The following CSMD3 variants were observed in gnomAD, a reference collection of about 807,000 sequenced individuals.
The protein encoded by CSMD3 is CUB and sushi domain-containing protein 3.
Under a neutral mutation model 435.2 loss-of-function variants are expected in CSMD3, and 177 were observed. The ratio of observed to expected loss-of-function variants is 0.41; its 90% CI spans 0.36 to 0.46. The LOEUF is 0.46. Ranked by LOEUF, CSMD3 falls within the 20% of genes least tolerant of loss-of-function variation. CSMD3 has a pLI of 0.34. For synonymous variants in CSMD3, 1,656 were observed against 1,520.5 expected (o/e 1.09, Z -2.07); for missense variants, 4,265 against 4,504.6 (o/e 0.95, Z 1.52).
chr8:112,862,860 A>C (rs2080863923), intron 10 of CSMD3, among the ~76,000 whole-genome samples: 1 of 152,094 alleles, frequency 6.6e-6, no homozygotes, highest in Non-Finnish European at 1.5e-5. Flanking sequence ...CCCAAAAATA[A>C]TATTAAAAAG....
chr8:112,233,575 G>T (rs945132000), intron 68 of CSMD3, among the ~76,000 whole-genome samples: 18 of 152,032 alleles, frequency 1.2e-4, no homozygotes, highest in African/African-American at 3.1e-4. Context: ...TAGATGGTAG[G>T]CTTCTTGAAC....
chr8:112,387,574 C>T (rs1180643325), intron 36 of CSMD3, among the ~76,000 whole-genome samples: 3 of 150,528 alleles, frequency 2.0e-5, no homozygotes, highest in Non-Finnish European at 4.4e-5. Flanking sequence ...AGAAAAAGGT[C>T]CTTGATAGTT....
At chr8:113,419,049 T>C (rs1563803263) in intron 1 of CSMD3, among the ~76,000 whole-genome samples, 1 of 152,094 alleles carries the variant, frequency 6.6e-6, no homozygotes, top group Non-Finnish European at 1.5e-5. Context: ...ACAGAATTTA[T>C]GTATATTAAT....
intron 38 of CSMD3, among the ~76,000 whole-genome samples, chr8:112,362,677 T>C (rs1363418233): frequency 7.7e-6 from 1 of 129,726 alleles, no homozygotes; most frequent in African/African-American, 2.6e-5. Context: ...GGAGAGGAGT[T>C]TGATTTGACA....
intron 3 of CSMD3, among the ~76,000 whole-genome samples, chr8:113,187,076 T>G (rs576713712): frequency 6.6e-6 from 1 of 151,808 alleles, no homozygotes; most frequent in African/African-American, 2.4e-5. Context: ...CTCATGAATA[T>G]GAGATTCTGT....
intron 69 of CSMD3, among the ~76,000 whole-genome samples, chr8:112,229,898 A>G (rs1295001100): frequency 6.6e-6 from 1 of 152,164 alleles, no homozygotes; most frequent in African/African-American, 2.4e-5. Context: ...TTAAAAAAAA[A>G]AAAAAAGGAA....
At chr8:112,513,644 T>G (rs764918584) in intron 28 of CSMD3, among the ~76,000 whole-genome samples, 1 of 152,118 alleles carries the variant, frequency 6.6e-6, no homozygotes, top group Non-Finnish European at 1.5e-5. Flanking sequence ...GGAAAAAAAG[T>G]CTATTAGGAC....
intron 58 of CSMD3, among the ~76,000 whole-genome samples, chr8:112,285,295 G>T (rs1392031697): frequency 6.6e-6 from 1 of 151,944 alleles, no homozygotes; most frequent in African/African-American, 2.4e-5. Flanking sequence ...TCATTAAAAA[G>T]ACCTTGACTT....
chr8:113,295,980 A>C (rs909420074), intron 2 of CSMD3, among the ~76,000 whole-genome samples: 1 of 152,258 alleles, frequency 6.6e-6, no homozygotes, highest in South Asian at 2.1e-4. Context: ...AAAAAGGATA[A>C]GTTCACGTCC....
At chr8:113,229,386 C>A (rs181571578) in intron 3 of CSMD3, among the ~76,000 whole-genome samples, 1 of 151,210 alleles carries the variant, frequency 6.6e-6, no homozygotes, top group South Asian at 2.1e-4. Flanking sequence ...AGTCACTTTG[C>A]TTAAATAAAC....
At chr8:112,642,509 A>C (rs556651306) in intron 20 of CSMD3, among the ~76,000 whole-genome samples, 1 of 152,262 alleles carries the variant, frequency 6.6e-6, no homozygotes, top group South Asian at 2.1e-4. Context: ...ACATTTTATT[A>C]TTTCTTAAAT....
At chr8:112,968,537 C>T (rs1265431412) in intron 7 of CSMD3, among the ~76,000 whole-genome samples, 1 of 151,764 alleles carries the variant, frequency 6.6e-6, no homozygotes, top group African/African-American at 2.4e-5. Flanking sequence ...TGGTTCCCTA[C>T]ACTAAATTCT....
At chr8:112,993,456 T>C (rs2085529390) in intron 6 of CSMD3, among the ~76,000 whole-genome samples, 1 of 151,842 alleles carries the variant, frequency 6.6e-6, no homozygotes, top group South Asian at 2.1e-4. Context: ...GATTCTTTAT[T>C]GAATTAAGAA....
chr8:113,216,516 A>G (rs1440370493), intron 3 of CSMD3, among the ~76,000 whole-genome samples: 1 of 151,924 alleles, frequency 6.6e-6, no homozygotes, highest in Non-Finnish European at 1.5e-5. Context: ...TTAAAATTTC[A>G]AAATTAAACA....
chr8:112,364,328 GGAAGA>G (rs971645922), intron 38 of CSMD3, among the ~76,000 whole-genome samples: 6 of 151,796 alleles, frequency 4.0e-5, no homozygotes, highest in African/African-American at 7.3e-5. Flanking sequence ...TAGGTGTAGG[GGAAGA>G]GAAAATCTAT....
chr8:113,392,485 A>T (rs77891257), intron 1 of CSMD3, among the ~76,000 whole-genome samples: 2,793 of 152,240 alleles, frequency 0.018, 100 homozygotes, highest in African/African-American at 0.062. Context: ...CAACCACTGT[A>T]TCAGATATTC....
intron 1 of CSMD3, among the ~76,000 whole-genome samples, chr8:113,428,206 A>ATCTG (rs199515395): frequency 0.035 from 597 of 17,172 alleles, 5 homozygotes; most frequent in African/African-American, 0.07. Context: ...ACTGTGGGAT[A>ATCTG]TCTATCTATC....
At chr8:113,433,406 T>A (rs2130108026) in intron 1 of CSMD3, among the ~76,000 whole-genome samples, 1 of 152,288 alleles carries the variant, frequency 6.6e-6, no homozygotes, top group South Asian at 2.1e-4. Flanking sequence ...TAAAAGGTGC[T>A]AATGAGTGCC....
chr8:112,933,359 G>T (rs2083178312), intron 9 of CSMD3, among the ~76,000 whole-genome samples: 1 of 152,098 alleles, frequency 6.6e-6, no homozygotes, highest in Non-Finnish European at 1.5e-5. Context: ...ATATGAGCTG[G>T]TTTAAAATGT....
Sources: gnomAD v4.1 joint callset for allele counts (sites outside exome capture counted in the v4.1 genomes callset) on GRCh38, gnomAD v4.1.1 for gene constraint, MANE v1.5 for transcripts, NCBI Gene and HGNC (gene_info 2026-07-23, HGNC 2026-07-21) for gene names.